The following NOS2 variants were observed in gnomAD, a reference collection of about 807,000 sequenced individuals.
NOS2 encodes the protein nitric oxide synthase 2, also known as nitric oxide synthase, inducible.
Under a neutral mutation model 136.0 loss-of-function variants are expected in NOS2, and 96 were observed. That is an observed-to-expected ratio of 0.71 (90% confidence interval 0.60 to 0.84). NOS2 has a LOEUF of 0.84. Ranked by LOEUF, NOS2 falls within the 40% of genes least tolerant of loss-of-function variation. The pLI is 0.00. For synonymous variants in NOS2, 539 were observed against 587.5 expected (o/e 0.92, Z 1.20); for missense variants, 1,237 against 1,496.9 (o/e 0.83, Z 2.87).
At chr17:27,778,093 G>C (rs1908716556) in intron 11 of NOS2, among the ~76,000 whole-genome samples, 1 of 152,002 alleles carries the variant, frequency 6.6e-6, no homozygotes, top group Non-Finnish European at 1.5e-5. Flanking sequence ...GCCAGGAACT[G>C]TATGAGGAAG....
At chr17:27,797,125 C>G (rs1285943780) in intron 2 of NOS2, among the ~76,000 whole-genome samples, 1 of 152,224 alleles carries the variant, frequency 6.6e-6, no homozygotes, top group African/African-American at 2.4e-5. Flanking sequence ...CTCTGAGCCT[C>G]TGCTCACCTC....
intron 26 of NOS2, among the ~76,000 whole-genome samples, chr17:27,757,700 A>G (rs776168558): frequency 1.2e-4 from 18 of 152,316 alleles, no homozygotes; most frequent in Admixed American, 7.8e-4. Flanking sequence ...ACAGCAGCAT[A>G]CTGAAGGCTC....
intron 3 of NOS2, 52 bp from the exon 4 acceptor site, chr17:27,788,983 C>A: frequency 6.3e-7 from 1 of 1,588,576 alleles, no homozygotes; most frequent in South Asian, 1.1e-5. Flanking sequence ...AGACCCCAGG[C>A]CCTGCCTTGT....
chr17:27,782,235 G>A (rs1029790029), intron 6 of NOS2, 129 bp from the exon 7 acceptor site: 16 of 756,798 alleles, frequency 2.1e-5, no homozygotes, highest in South Asian at 3.3e-5. Flanking sequence ...ACACCATGCC[G>A]AAGAGTGCAG....
chr17:27,765,957 C>G (rs1399675340), intron 19 of NOS2, among the ~76,000 whole-genome samples: 5 of 152,200 alleles, frequency 3.3e-5, no homozygotes. Context: ...GCCCTTGGAG[C>G]CCCCCGAGGG....
intron 11 of NOS2, 35 bp downstream of exon 11, chr17:27,778,655 A>T (rs1458905700): frequency 6.4e-7 from 1 of 1,555,100 alleles, no homozygotes; most frequent in Non-Finnish European, 8.9e-7. Flanking sequence ...GCTTCTCACC[A>T]AAAAGTCTTC....
intron 5 of NOS2, among the ~76,000 whole-genome samples, chr17:27,786,786 A>G (rs1448835421): frequency 6.6e-6 from 1 of 152,196 alleles, no homozygotes; most frequent in Non-Finnish European, 1.5e-5. Context: ...AGGGTTACTC[A>G]GCTCGTAAGG....
intron 14 of NOS2, among the ~76,000 whole-genome samples, chr17:27,771,831 C>T (rs1908505461): frequency 6.6e-6 from 1 of 152,252 alleles, no homozygotes. Flanking sequence ...CACCCACTGT[C>T]AGATCCTCAG....
intron 2 of NOS2, among the ~76,000 whole-genome samples, chr17:27,791,765 G>T (rs1248158056): frequency 3.5e-5 from 3 of 86,136 alleles, no homozygotes; most frequent in Non-Finnish European, 5.3e-5. Context: ...GGTGTGGCCT[G>T]CCAGAAAAAA....
At chr17:27,789,927 C>T (rs1909141326) in intron 2 of NOS2, among the ~76,000 whole-genome samples, 1 of 152,156 alleles carries the variant, frequency 6.6e-6, no homozygotes. Flanking sequence ...AGCTACTGGC[C>T]CAAACAGCAG....
intron 1 of NOS2, among the ~76,000 whole-genome samples, chr17:27,799,193 C>T (rs1909453320): frequency 6.6e-6 from 1 of 152,194 alleles, no homozygotes; most frequent in Admixed American, 6.5e-5. Context: ...CAGACCCAGC[C>T]AGGCTTCATC....
chr17:27,776,699 A>C (rs916529949), intron 11 of NOS2, among the ~76,000 whole-genome samples: 8 of 147,382 alleles, frequency 5.4e-5, no homozygotes, highest in East Asian at 4.0e-4. Context: ...AAAAAAAAAA[A>C]CTCAGTGGTA....
intron 9 of NOS2, among the ~76,000 whole-genome samples, chr17:27,780,544 C>T (rs141408823): frequency 4.9e-4 from 75 of 152,328 alleles, no homozygotes; most frequent in African/African-American, 1.8e-3. Context: ...CTCTGCTTCC[C>T]CTCAGCATCA....
rs28942372 is a variant in NOS2, at chr17:27,784,447, CCAAA to C, written c.468-1345_468-1342del. On this transcript the variant is annotated intron_variant, in intron 5 of 26. Transcript: ENST00000313735. Reference sequence around the variant, plus strand: ...CCCCACTGCTGGGAGACCTCCCTCCCCAAACAAAGCTTCCAGCAATATTCCCCCC... The same window carrying C: ...CCCCACTGCTGGGAGACCTCCCTCCCCAAAGCTTCCAGCAATATTCCCCCC... Among the ~76,000 whole-genome samples the C allele has an allele frequency of 2.9e-3, 437 of 152,296 alleles. 2 individuals carry two copies. Among genetic ancestry groups the C allele is most frequent in the African/African-American group, 9.7e-3 (405 of 41,566 alleles).
At position 27,769,113 on chromosome 17, in the gene NOS2, C is replaced by T. The variant is rs748236504; in HGVS notation, c.1898G>A (p.Arg633Gln). The stretch of plus-strand genomic sequence containing the variant: ...AATGTCATGAGCAAAGGCGCAGAAC[C>T]GAGGGTACATGCTGGAGCCGAGGCC... ...VFGLGSSMYP[R>Q]FCAFAHDIDQ... The change falls in exon 17 of 27, where the codon CGG (arginine) becomes CAG (glutamine). Residue 633 changes from arginine to glutamine, a missense_variant. Arg to Gln is a conservative substitution (Grantham distance 43). Coordinates refer to ENST00000313735, the MANE Select transcript of NOS2 (RefSeq NM_000625.4). The T allele has an allele frequency of 1.2e-5, 19 of 1,612,606 alleles. No homozygotes were observed. Among genetic ancestry groups the T allele is most frequent in the Admixed American group, 1.2e-4 (7 of 59,918 alleles).
Position 27,757,903 on chromosome 17 carries a change from C to G in NOS2, c.3355-550G>C, listed in dbSNP as rs181745956. Among the ~76,000 whole-genome samples, 7 of 152,296 alleles carry G rather than the reference C, an allele frequency of 4.6e-5. No homozygotes were observed. In the East Asian group the frequency reaches 1.3e-3, roughly 29 times the overall value. On this transcript the variant is annotated intron_variant, in intron 26 of 26. Transcript: ENST00000313735. ...CCCACCCCCGGGGCCTTTGTACCTGCTGCCCCTCCAGAACAGCCCAGAGTG... is the reference window on the plus strand; with the variant it reads ...CCCACCCCCGGGGCCTTTGTACCTGGTGCCCCTCCAGAACAGCCCAGAGTG...
At chr17:27,774,995 C>T (rs1375318850) in intron 11 of NOS2, among the ~76,000 whole-genome samples, 2 of 152,220 alleles carry the variant, frequency 1.3e-5, no homozygotes, top group African/African-American at 4.8e-5. Context: ...TGGGGTCTGA[C>T]CCCATGGAAT....
intron 8 of NOS2, 41 bp from the exon 9 acceptor site, chr17:27,780,947 C>T (rs1313852555): frequency 1.3e-6 from 2 of 1,598,790 alleles, no homozygotes; most frequent in Non-Finnish European, 1.7e-6. Context: ...TAAGCCCGGG[C>T]TGCGTGTCTC....
intron 2 of NOS2, among the ~76,000 whole-genome samples, chr17:27,791,045 T>C (rs1172133935): frequency 2.0e-5 from 3 of 152,258 alleles, no homozygotes; most frequent in Non-Finnish European, 1.5e-5. Flanking sequence ...AATGACCATG[T>C]ATTGCTTTTA....
Sources: gnomAD v4.1 joint callset for allele counts (sites outside exome capture counted in the v4.1 genomes callset) on GRCh38, gnomAD v4.1.1 for gene constraint, MANE v1.5 for transcripts, NCBI Gene and HGNC (gene_info 2026-07-23, HGNC 2026-07-21) for gene names.